The following S100Z variants were observed in gnomAD, a reference collection of about 807,000 sequenced individuals.
The protein encoded by S100Z is protein S100-Z.
S100Z carries 11 observed loss-of-function variants against 8.5 expected under a neutral mutation model. That is an observed-to-expected ratio of 1.30 (90% confidence interval 0.82 to 2.15). The LOEUF is 2.15. S100Z is among the 30% of genes most tolerant of loss of function. The pLI is 0.00. For missense variants in S100Z, 126 were observed against 117.9 expected (o/e 1.07, Z -0.32); for synonymous variants, 34 against 43.8 (o/e 0.78, Z 0.89).
intron 4 of S100Z, among the ~76,000 whole-genome samples, chr5:76,908,826 C>T (rs572983892): frequency 2.6e-5 from 4 of 152,268 alleles, no homozygotes; most frequent in African/African-American, 9.6e-5. Context: ...GGCGTAAAGT[C>T]TCAATACTAA....
At chr5:76,876,278 A>G (rs1010170673) in intron 3 of S100Z, among the ~76,000 whole-genome samples, 1 of 152,170 alleles carries the variant, frequency 6.6e-6, no homozygotes, top group African/African-American at 2.4e-5. Flanking sequence ...AAGCTCTATA[A>G]AGTATTTTTT....
chr5:76,870,550 C>A (rs1742972278), intron 2 of S100Z, among the ~76,000 whole-genome samples: 1 of 152,112 alleles, frequency 6.6e-6, no homozygotes, highest in Non-Finnish European at 1.5e-5. Context: ...AGACCTTGGT[C>A]TATAGTCCTC....
intron 4 of S100Z, among the ~76,000 whole-genome samples, chr5:76,919,550 C>CCCTT (rs1244848598): frequency 2.5e-4 from 19 of 77,282 alleles, no homozygotes; most frequent in African/African-American, 6.1e-4. Flanking sequence ...CTCCCTCCCT[C>CCCTT]CCTTCCTTCC....
chr5:76,852,201 C>T (rs1480369387), intron 1 of S100Z, among the ~76,000 whole-genome samples: 1 of 152,192 alleles, frequency 6.6e-6, no homozygotes, highest in African/African-American at 2.4e-5. Flanking sequence ...ACTTGGCTGT[C>T]TGGCACTGAA....
the S100Z span, among the ~76,000 whole-genome samples, chr5:76,940,520 C>T: frequency 5.3e-5 from 8 of 152,084 alleles, no homozygotes; most frequent in Admixed American, 2.0e-4. Context: ...TCAAGTGATT[C>T]TCCTGCCTCA....
At position 76,909,937 on chromosome 5, in the gene S100Z, C is replaced by T. The variant is rs185823234; in HGVS notation, c.*3-10780C>T. On this transcript the variant is annotated intron_variant, in intron 4 of 4. Coordinates refer to ENST00000317593, the MANE Select transcript of S100Z (RefSeq NM_130772.4). Reference sequence around the variant, plus strand: ...GCTGCAGCCCAAAAGTTTGGAGATACCTGGTATCTTAGTCAAGTAAATGAT... The same window carrying T: ...GCTGCAGCCCAAAAGTTTGGAGATATCTGGTATCTTAGTCAAGTAAATGAT... 1.6e-3 allele frequency among the ~76,000 whole-genome samples: 238 copies of T among 152,266 alleles called. 1 individual carries two copies. The highest frequency in any genetic ancestry group is 5.4e-3 in the African/African-American group (225 of 41,554).
At chr5:76,902,809 A>G (rs1041523978) in intron 4 of S100Z, among the ~76,000 whole-genome samples, 2 of 152,300 alleles carry the variant, frequency 1.3e-5, no homozygotes, top group African/African-American at 4.8e-5. Context: ...ATCTTGAGGA[A>G]TAAATAAATT....
At chr5:76,881,997 A>G (rs1437015595) in intron 4 of S100Z, among the ~76,000 whole-genome samples, 6 of 152,180 alleles carry the variant, frequency 3.9e-5, no homozygotes, top group Admixed American at 3.9e-4. Context: ...AGCCCTTATA[A>G]CAGCATGGTG....
chr5:76,902,057 C>T (rs1287742785), intron 4 of S100Z, among the ~76,000 whole-genome samples: 2 of 152,104 alleles, frequency 1.3e-5, no homozygotes, highest in Non-Finnish European at 2.9e-5. Context: ...GGTGCCCTGT[C>T]TCGCTGTGGC....
At chr5:76,896,493 A>G (rs1744042212) in intron 4 of S100Z, among the ~76,000 whole-genome samples, 1 of 150,540 alleles carries the variant, frequency 6.6e-6, no homozygotes, top group Non-Finnish European at 1.5e-5. Flanking sequence ...GTGCTGCAAC[A>G]AACAGTGCAG....
At chr5:76,927,417 C>T in the S100Z span, among the ~76,000 whole-genome samples, 4 of 152,174 alleles carry the variant, frequency 2.6e-5, no homozygotes, top group Admixed American at 6.5e-5. Context: ...ATAGCTGGTC[C>T]TTCATCTTTC....
Position 76,895,122 on chromosome 5 carries a change from A to G in S100Z, c.*2+17288A>G, listed in dbSNP as rs571894755. On this transcript the variant is annotated intron_variant, in intron 4 of 4. Transcript: ENST00000317593. ...GCATTGTCAGTTATTTCTTAAAATG[A>G]CCCTAGCACCTAGCATAGCACCAAC... 2.0e-5 allele frequency among the ~76,000 whole-genome samples: 3 copies of G among 152,240 alleles called. No individual in the cohort carries two copies. The South Asian group carries it at 6.2e-4, about 32-fold the overall frequency.
At chr5:76,918,323 C>T (rs1744923359) in intron 4 of S100Z, among the ~76,000 whole-genome samples, 1 of 152,216 alleles carries the variant, frequency 6.6e-6, no homozygotes, top group Non-Finnish European at 1.5e-5. Flanking sequence ...CCTCCCACCT[C>T]AGCCTTCTGA....
intron 4 of S100Z, among the ~76,000 whole-genome samples, chr5:76,909,124 G>A (rs532581627): frequency 4.0e-4 from 61 of 152,204 alleles, no homozygotes; most frequent in African/African-American, 1.3e-3. Flanking sequence ...CTACTGCATC[G>A]GTGAGCACAG....
chr5:76,907,379 C>A (rs1347311450), intron 4 of S100Z, among the ~76,000 whole-genome samples: 1 of 152,100 alleles, frequency 6.6e-6, no homozygotes, highest in Non-Finnish European at 1.5e-5. Flanking sequence ...TCTTGGCTCA[C>A]TGCAAGCTCT....
the S100Z span, among the ~76,000 whole-genome samples, chr5:76,940,943 T>C: frequency 6.6e-6 from 1 of 151,946 alleles, no homozygotes; most frequent in Non-Finnish European, 1.5e-5. Context: ...TGCCCCTCTG[T>C]TGGAATTTGT....
downstream of S100Z, among the ~76,000 whole-genome samples, chr5:76,924,694 G>A (rs968542983): frequency 1.3e-5 from 2 of 152,156 alleles, no homozygotes; most frequent in African/African-American, 4.8e-5. Context: ...CGGATCACTT[G>A]AGCCCAGGAG....
chr5:76,873,269 A>G (rs1743069919), intron 2 of S100Z, among the ~76,000 whole-genome samples: 1 of 152,140 alleles, frequency 6.6e-6, no homozygotes, highest in Non-Finnish European at 1.5e-5. Context: ...AAGTATTCAA[A>G]ATATTATTTT....
the S100Z span, among the ~76,000 whole-genome samples, chr5:76,927,211 C>A: frequency 3.9e-5 from 6 of 152,186 alleles, no homozygotes; most frequent in African/African-American, 1.2e-4. Flanking sequence ...CCTTTCTGTG[C>A]TCTGGGGGAG....
Sources: allele counts gnomAD v4.1 joint callset (sites outside exome capture counted in the v4.1 genomes callset), GRCh38; gene constraint gnomAD v4.1.1; transcripts MANE v1.5; gene names NCBI Gene and HGNC (gene_info 2026-07-23, HGNC 2026-07-21).